The following MCUB variants were observed in gnomAD, a reference collection of about 807,000 sequenced individuals.
MCUB encodes the protein mitochondrial calcium uniporter dominant negative subunit beta.
MCUB carries 46 observed loss-of-function variants against 41.4 expected under a neutral mutation model. That is an observed-to-expected ratio of 1.11 (90% CI 0.88 to 1.42). The LOEUF (loss-of-function observed/expected upper bound fraction) is 1.42. Ranked by LOEUF, MCUB falls within the 40% of genes most tolerant of loss-of-function variation. The pLI, the probability that MCUB is intolerant of heterozygous loss-of-function variation, is 0.00. For synonymous variants in MCUB, 148 were observed against 148.2 expected (o/e 1.00, Z 0.01); for missense variants, 403 against 404.9 (o/e 1.00, Z 0.04).
At chr4:109,642,122 G>C (rs1579078925) in intron 1 of MCUB, among the ~76,000 whole-genome samples, 2 of 152,160 alleles carry the variant, frequency 1.3e-5, no homozygotes, top group African/African-American at 4.8e-5. Flanking sequence ...TGAAACATAT[G>C]ATTTTGAAGA....
At chr4:109,672,086 A>T (rs926447205) in intron 4 of MCUB, among the ~76,000 whole-genome samples, 6 of 151,840 alleles carry the variant, frequency 4.0e-5, no homozygotes, top group African/African-American at 1.4e-4. Flanking sequence ...AAATATATAT[A>T]TATTTTTAAT....
intron 1 of MCUB, among the ~76,000 whole-genome samples, chr4:109,565,261 C>T (rs1053641593): frequency 3.9e-5 from 6 of 152,330 alleles, no homozygotes; most frequent in Admixed American, 3.3e-4. Flanking sequence ...GGTCAAAAAT[C>T]TGATCCTCAG....
chr4:109,673,817 C>G, intron 4 of MCUB: 1 of 710,978 alleles, frequency 1.4e-6, no homozygotes, highest in African/African-American at 1.8e-5. Context: ...TTTTTTCGCT[C>G]TAGGGAGATT....
At chr4:109,624,388 A>G (rs1728319267) in intron 1 of MCUB, among the ~76,000 whole-genome samples, 2 of 152,228 alleles carry the variant, frequency 1.3e-5, no homozygotes, top group Non-Finnish European at 2.9e-5. Flanking sequence ...AACATTCTAA[A>G]TGCTATCCAG....
intron 1 of MCUB, among the ~76,000 whole-genome samples, chr4:109,653,199 A>C (rs1383023975): frequency 2.0e-5 from 3 of 152,064 alleles, no homozygotes; most frequent in Non-Finnish European, 4.4e-5. Context: ...ACCTGGTAGA[A>C]ACCCCGTCTC....
At chr4:109,644,393 G>A (rs985823477) in intron 1 of MCUB, among the ~76,000 whole-genome samples, 6 of 152,190 alleles carry the variant, frequency 3.9e-5, no homozygotes, top group African/African-American at 9.6e-5. Context: ...ATAAGCTCAC[G>A]TTGTCATAGT....
chr4:109,636,759 TG>T (rs1728604438), intron 1 of MCUB, among the ~76,000 whole-genome samples: 2 of 152,108 alleles, frequency 1.3e-5, no homozygotes, highest in Non-Finnish European at 2.9e-5. Context: ...CGCTTGAACC[TG>T]GGAGGCGGAG....
In MCUB at chr4:109,560,304, A is replaced by T; in HGVS notation, c.-34A>T. The T allele has an allele frequency of 2.7e-6, 3 of 1,104,350 alleles. No individual in the cohort carries two copies. The highest frequency in any genetic ancestry group is 3.5e-6 in the Non-Finnish European group (3 of 867,740). The allele number at this position is 1,104,350 out of a possible 1,614,324, so 68.4% of individuals were successfully genotyped here. Reference sequence around the variant, plus strand: ...CCGGCTGAGGGAGGATGCGCCGCTGACGCCTGCGGGAGCCGCGCGCCTGGG... The same window carrying T: ...CCGGCTGAGGGAGGATGCGCCGCTGTCGCCTGCGGGAGCCGCGCGCCTGGG... On this transcript the variant is annotated 5_prime_UTR_variant, in exon 1 of 8. It removes the in-frame stop codon of an upstream open reading frame in the 5' UTR. Coordinates refer to ENST00000394650, the MANE Select transcript of MCUB (RefSeq NM_017918.5).
chr4:109,562,951 A>G (rs1008498386), intron 1 of MCUB, among the ~76,000 whole-genome samples: 2 of 152,380 alleles, frequency 1.3e-5, no homozygotes, highest in East Asian at 1.9e-4. Context: ...TCTGAAGCGT[A>G]GTAGAGCAAG....
At chr4:109,658,546 C>T (rs1209948682) in intron 1 of MCUB, among the ~76,000 whole-genome samples, 3 of 152,162 alleles carry the variant, frequency 2.0e-5, no homozygotes, top group African/African-American at 4.8e-5. Context: ...ATTCGCCCAC[C>T]TTGGCCTCCC....
intron 4 of MCUB, among the ~76,000 whole-genome samples, chr4:109,668,345 G>T (rs1236863980): frequency 6.6e-6 from 1 of 152,070 alleles, no homozygotes; most frequent in Non-Finnish European, 1.5e-5. Flanking sequence ...ATTAAGCATT[G>T]TTCTGTCTTC....
At chr4:109,625,806 G>A (rs1728348480) in intron 1 of MCUB, among the ~76,000 whole-genome samples, 1 of 152,160 alleles carries the variant, frequency 6.6e-6, no homozygotes, top group Non-Finnish European at 1.5e-5. Flanking sequence ...ACAGGGTGAG[G>A]TACAGTATCT....
intron 1 of MCUB, among the ~76,000 whole-genome samples, chr4:109,567,945 C>T (rs148760525): frequency 3.3e-5 from 5 of 152,200 alleles, no homozygotes; most frequent in Admixed American, 6.5e-5. Flanking sequence ...GTGATCCACC[C>T]GCCTCGGCCT....
chr4:109,601,343 C>T (rs564680443), intron 1 of MCUB, among the ~76,000 whole-genome samples: 7 of 152,186 alleles, frequency 4.6e-5, no homozygotes, highest in African/African-American at 1.7e-4. Flanking sequence ...CTTATTCTTT[C>T]TAACTTTTTG....
chr4:109,656,777 T>C lies in MCUB; in HGVS notation c.100-2234T>C, dbSNP rs17040661. Among the ~76,000 whole-genome samples, 1,254 of 152,340 alleles carry C rather than the reference T, an allele frequency of 8.2e-3. 22 individuals carry two copies. Among genetic ancestry groups the C allele is most frequent in the African/African-American group, 0.028 (1,160 of 41,582 alleles). ...AATTCTGATGTGTCTCATTTTTATG[T>C]AGTTTTGCTAAAAGTAGTAGACGGT... On this transcript the variant is annotated intron_variant, in intron 1 of 7. Coordinates refer to ENST00000394650, the MANE Select transcript of MCUB (RefSeq NM_017918.5).
chr4:109,650,502 C>T (rs1472539609), intron 1 of MCUB, among the ~76,000 whole-genome samples: 1 of 152,104 alleles, frequency 6.6e-6, no homozygotes, highest in Non-Finnish European at 1.5e-5. Flanking sequence ...GCCTACCAGT[C>T]TCTCAGAATT....
chr4:109,566,479 A>T (rs199673627), intron 1 of MCUB, among the ~76,000 whole-genome samples: 10,847 of 143,584 alleles, frequency 0.076, 553 homozygotes, highest in African/African-American at 0.15. Flanking sequence ...CAAAAAAAAA[A>T]AAATAAATAA....
At chr4:109,631,364 T>A (rs1258566798) in intron 1 of MCUB, among the ~76,000 whole-genome samples, 1 of 152,204 alleles carries the variant, frequency 6.6e-6, no homozygotes, top group Non-Finnish European at 1.5e-5. Flanking sequence ...TCACACCTCT[T>A]TTATTTTTCA....
intron 1 of MCUB, among the ~76,000 whole-genome samples, chr4:109,597,828 A>G (rs1272973289): frequency 4.0e-5 from 6 of 150,272 alleles, no homozygotes; most frequent in Admixed American, 1.3e-4. Flanking sequence ...GGGGCTCCTC[A>G]CTTCTCAGAC....
Sources: gnomAD v4.1 joint callset for allele counts (sites outside exome capture counted in the v4.1 genomes callset) on GRCh38, gnomAD v4.1.1 for gene constraint, MANE v1.5 for transcripts, NCBI Gene and HGNC (gene_info 2026-07-23, HGNC 2026-07-21) for gene names.